Variants in ANKS1B observed in about 807,000 individuals in gnomAD.
ANKS1B encodes the protein ankyrin repeat and sterile alpha motif domain-containing protein 1B.
A neutral mutation model predicts 148.3 loss-of-function variants in ANKS1B; 36 were observed. That is an observed-to-expected ratio of 0.24 (90% CI 0.19 to 0.32). The LOEUF (loss-of-function observed/expected upper bound fraction) is 0.32. Ranked by LOEUF, ANKS1B falls within the 10% of genes least tolerant of loss-of-function variation. The pLI, the probability that ANKS1B is intolerant of heterozygous loss-of-function variation, is 1.00. For missense variants in ANKS1B, 1,157 were observed against 1,542.6 expected, an observed-to-expected ratio of 0.75 and a Z score of 4.19; for synonymous variants, 542 against 560.8, an observed-to-expected ratio of 0.97 and a Z score of 0.47.
chr12:98,833,579 T>C (rs1287386589), intron 17 of ANKS1B, among the ~76,000 whole-genome samples: 1 of 8,696 alleles, frequency 1.1e-4, no homozygotes, highest in East Asian at 0.014. Flanking sequence ...CCATGATACC[T>C]TGAATTTTTT....
chr12:99,677,346 T>A (rs937172665), intron 8 of ANKS1B, among the ~76,000 whole-genome samples: 75 of 151,448 alleles, frequency 5.0e-4, no homozygotes, highest in African/African-American at 1.8e-3. Flanking sequence ...TTTTTTATTT[T>A]TTTGTTTTTT....
intron 17 of ANKS1B, among the ~76,000 whole-genome samples, chr12:98,862,372 G>C (rs1339916298): frequency 6.6e-6 from 1 of 151,996 alleles, no homozygotes; most frequent in Admixed American, 6.6e-5. Flanking sequence ...ATTCTCAAAG[G>C]GTTGTTTGTG....
intron 8 of ANKS1B, among the ~76,000 whole-genome samples, chr12:99,676,450 C>T (rs7975225): frequency 0.22 from 32,834 of 152,058 alleles, 4,516 homozygotes; most frequent in Non-Finnish European, 0.3. Flanking sequence ...ATTATTCCTC[C>T]ATTTAGAATC....
chr12:99,380,654 G>C (rs968873532), intron 12 of ANKS1B, among the ~76,000 whole-genome samples: 7 of 152,072 alleles, frequency 4.6e-5, no homozygotes, highest in African/African-American at 1.7e-4. Flanking sequence ...GTATTTTGTT[G>C]ATATATTGAT....
chr12:99,871,303 G>C (rs1341540988), intron 1 of ANKS1B, among the ~76,000 whole-genome samples: 2 of 152,092 alleles, frequency 1.3e-5, no homozygotes, highest in Admixed American at 1.3e-4. Context: ...TGCTGTCTTG[G>C]TTACCGTAGA....
chr12:99,592,246 G>C (rs2097710051), intron 9 of ANKS1B, among the ~76,000 whole-genome samples: 1 of 152,052 alleles, frequency 6.6e-6, no homozygotes, highest in South Asian at 2.1e-4. Context: ...CACACGAAAT[G>C]CTCTTTATTT....
intron 1 of ANKS1B, among the ~76,000 whole-genome samples, chr12:99,979,648 G>C (rs2095669740): frequency 6.6e-6 from 1 of 152,046 alleles, no homozygotes. Flanking sequence ...AATTACCAAT[G>C]GCTCACTGCC....
rs1421001056 is a variant in ANKS1B, at chr12:99,485,402, C to T, written c.1438+19074G>A. Among the ~76,000 whole-genome samples, 3 of 152,092 alleles carry T rather than the reference C, an allele frequency of 2.0e-5. No individual in the cohort carries two copies. The East Asian group carries it at 5.8e-4, about 29-fold the overall frequency. On this transcript the variant is annotated intron_variant, in intron 10 of 26. Coordinates refer to ENST00000683438, the MANE Select transcript of ANKS1B (RefSeq NM_001352186.2). ...TGATAGGTTTTCCTTTGTACGTTAC[C>T]TGATGTTTTTGTCTTACTGCTCTTG... is the stretch of plus-strand genomic sequence containing the variant.
chr12:99,629,992 AT>A (rs748241613), intron 9 of ANKS1B, among the ~76,000 whole-genome samples: 1 of 152,174 alleles, frequency 6.6e-6, no homozygotes, highest in Non-Finnish European at 1.5e-5. Context: ...GCTAAATTCT[AT>A]TTTTTAAAAA....
intron 9 of ANKS1B, among the ~76,000 whole-genome samples, chr12:99,607,866 G>C (rs753037780): frequency 6.6e-6 from 1 of 152,032 alleles, no homozygotes; most frequent in Non-Finnish European, 1.5e-5. Flanking sequence ...GTAGTTTGAG[G>C]AATGTTCACC....
intron 11 of ANKS1B, among the ~76,000 whole-genome samples, chr12:99,423,805 T>C (rs1384315371): frequency 2.6e-5 from 4 of 151,774 alleles, no homozygotes; most frequent in African/African-American, 7.3e-5. Context: ...TGTGAACACA[T>C]AGAAGAGAAT....
At chr12:99,073,703 T>G (rs1463707939) in intron 16 of ANKS1B, among the ~76,000 whole-genome samples, 1 of 152,204 alleles carries the variant, frequency 6.6e-6, no homozygotes, top group East Asian at 1.9e-4. Flanking sequence ...AACTGCCTTT[T>G]AAGCCTGAAA....
At chr12:98,909,717 A>G (rs1055344449) in intron 17 of ANKS1B, among the ~76,000 whole-genome samples, 1 of 152,252 alleles carries the variant, frequency 6.6e-6, no homozygotes, top group African/African-American at 2.4e-5. Flanking sequence ...GATATTAGTC[A>G]TTGTACTGTG....
rs368856539 is a variant in ANKS1B, at chr12:99,690,519, T to C, written c.1129-35309A>G. On this transcript the variant is annotated intron_variant, in intron 8 of 26. Transcript: ENST00000683438. ...TGAGGGCACACACATTGGGTAAATA[T>C]AGCCATTCCAAATGGGAGAAAAAGG... 1.5e-3 allele frequency among the ~76,000 whole-genome samples: 229 copies of C among 152,268 alleles called. 1 individual carries two copies. The highest frequency in any genetic ancestry group is 5.2e-3 in the African/African-American group (215 of 41,552).
At chr12:98,808,190 T>C (rs2099065749) in intron 19 of ANKS1B, among the ~76,000 whole-genome samples, 2 of 152,188 alleles carry the variant, frequency 1.3e-5, no homozygotes, top group African/African-American at 2.4e-5. Context: ...AAAAGCAAAC[T>C]GTATTTTATA....
chr12:99,670,573 ATATAAG>A (rs1033427870), intron 8 of ANKS1B, among the ~76,000 whole-genome samples: 1 of 152,192 alleles, frequency 6.6e-6, no homozygotes, highest in African/African-American at 2.4e-5. Flanking sequence ...GGGAAGAAAA[ATATAAG>A]TATGTCATAA....
At chr12:99,808,664 T>C (rs1047223230) in intron 3 of ANKS1B, among the ~76,000 whole-genome samples, 2 of 152,230 alleles carry the variant, frequency 1.3e-5, no homozygotes, top group Non-Finnish European at 2.9e-5. Flanking sequence ...GCCAATCTTA[T>C]TACTTCACAC....
intron 9 of ANKS1B, among the ~76,000 whole-genome samples, chr12:99,549,774 C>A (rs769375677): frequency 1.3e-5 from 2 of 152,212 alleles, no homozygotes; most frequent in Non-Finnish European, 2.9e-5. Context: ...GTTAGCCCAA[C>A]ATTTTGTAAA....
chr12:99,001,081 A>G (rs1598287974), intron 17 of ANKS1B, among the ~76,000 whole-genome samples: 1 of 151,930 alleles, frequency 6.6e-6, no homozygotes, highest in African/African-American at 2.4e-5. Flanking sequence ...TTTTTTGAAT[A>G]GTGCTGCAGT....
Sources: gnomAD v4.1 joint callset for allele counts (sites outside exome capture counted in the v4.1 genomes callset) on GRCh38, gnomAD v4.1.1 for gene constraint, MANE v1.5 for transcripts, NCBI Gene and HGNC (gene_info 2026-07-23, HGNC 2026-07-21) for gene names.